The following TXNDC16 variants were observed in gnomAD, a reference collection of about 807,000 sequenced individuals.
TXNDC16 encodes the protein thioredoxin domain-containing protein 16.
In TXNDC16, 74 loss-of-function variants were observed where a neutral mutation model predicts 85.6. That is an observed-to-expected ratio of 0.86 (90% CI 0.72 to 1.05). TXNDC16 has a LOEUF of 1.05. Ranked by LOEUF, TXNDC16 falls within the 50% of genes least tolerant of loss-of-function variation. The probability of loss-of-function intolerance (pLI) is 0.00; values close to 1 mark genes in which losing one functional copy is unlikely to be tolerated. For synonymous variants in TXNDC16, 335 were observed against 326.5 expected (o/e 1.03, Z -0.28); for missense variants, 959 against 947.0 (o/e 1.01, Z -0.17).
chr14:52,530,494 TAATAATATAATATA>T (rs1372693666), intron 6 of TXNDC16, among the ~76,000 whole-genome samples: 3 of 33,340 alleles, frequency 9.0e-5, no homozygotes, highest in Admixed American at 5.8e-4. Flanking sequence ...ATATTATATA[TAATAATATAATATA>T]TATTATTATA....
At chr14:52,462,676 A>G in intron 16 of TXNDC16, 1 of 276,558 alleles carries the variant, frequency 3.6e-6, no homozygotes, top group South Asian at 3.3e-5. Flanking sequence ...CAATAAAAAT[A>G]CTGAAATCTT....
chr14:52,478,444 A>G (rs2036067406), intron 14 of TXNDC16, among the ~76,000 whole-genome samples: 2 of 152,194 alleles, frequency 1.3e-5, no homozygotes, highest in Admixed American at 1.3e-4. Context: ...ATTAACCAAG[A>G]AAAGAAAAGA....
At chr14:52,527,896 TTAC>T (rs10616370) in intron 6 of TXNDC16, among the ~76,000 whole-genome samples, 22,125 of 125,190 alleles carry the variant, frequency 0.18, 1,636 homozygotes, top group African/African-American at 0.18. Flanking sequence ...TTTATTTCAC[TTAC>T]TACATCCTGC....
intron 4 of TXNDC16, among the ~76,000 whole-genome samples, chr14:52,537,906 T>C (rs966969297): frequency 3.3e-5 from 5 of 152,068 alleles, no homozygotes; most frequent in African/African-American, 9.7e-5. Flanking sequence ...GGTAACCAGG[T>C]AGAAAAGGAA....
chr14:52,529,999 T>G (rs1257289774), intron 6 of TXNDC16, among the ~76,000 whole-genome samples: 1 of 105,304 alleles, frequency 9.5e-6, no homozygotes, highest in African/African-American at 3.9e-5. Context: ...AATTCATATA[T>G]ATAATATATA....
chr14:52,517,468 T>C (rs1258946824), intron 7 of TXNDC16, among the ~76,000 whole-genome samples: 1 of 152,150 alleles, frequency 6.6e-6, no homozygotes, highest in African/African-American at 2.4e-5. Context: ...AATTAGCTGA[T>C]GATTTTGTGT....
In TXNDC16 at chr14:52,546,297, G is replaced by A. The variant is rs532735694; in HGVS notation, c.-181-1926C>T. On this transcript the variant is annotated intron_variant, in intron 1 of 20. Coordinates refer to ENST00000281741, the MANE Select transcript of TXNDC16 (RefSeq NM_020784.3). Reference sequence around the variant, plus strand: ...CTAAAAACAAAACAAACAAACAAACGAACAAACAAAAACTTAATACTACAA... The same window carrying A: ...CTAAAAACAAAACAAACAAACAAACAAACAAACAAAAACTTAATACTACAA... 1.4e-4 allele frequency among the ~76,000 whole-genome samples: 22 copies of A among 151,912 alleles called. No homozygotes were observed. In the South Asian group the frequency reaches 2.7e-3, roughly 19 times the overall value.
intron 9 of TXNDC16, 96 bp downstream of exon 9, chr14:52,511,144 C>T: frequency 8.7e-7 from 1 of 1,155,370 alleles, no homozygotes. Flanking sequence ...ATCTATAAAT[C>T]AAAACTTAAC....
chr14:52,472,203 T>C (rs915679132), intron 14 of TXNDC16, among the ~76,000 whole-genome samples: 1 of 151,664 alleles, frequency 6.6e-6, no homozygotes, highest in Non-Finnish European at 1.5e-5. Flanking sequence ...TTTTTTTTGC[T>C]TTTGTATATT....
intron 20 of TXNDC16, among the ~76,000 whole-genome samples, chr14:52,435,484 T>A (rs1170974117): frequency 6.6e-6 from 1 of 152,186 alleles, no homozygotes; most frequent in Admixed American, 6.5e-5. Context: ...GAGAATGAAG[T>A]AGTCAAAGAT....
intron 18 of TXNDC16, among the ~76,000 whole-genome samples, chr14:52,450,546 CA>C (rs1348511684): frequency 6.6e-6 from 1 of 150,540 alleles, no homozygotes; most frequent in Non-Finnish European, 1.5e-5. Context: ...CAGGGAAATA[CA>C]AATCAAAACC....
chr14:52,518,845 T>C (rs1327046253), intron 7 of TXNDC16, among the ~76,000 whole-genome samples: 2 of 152,072 alleles, frequency 1.3e-5, no homozygotes, highest in Non-Finnish European at 2.9e-5. Flanking sequence ...ATTTTAATTA[T>C]TCATTAAAGT....
chr14:52,472,719 C>G (rs779449622), intron 14 of TXNDC16, among the ~76,000 whole-genome samples: 3 of 152,274 alleles, frequency 2.0e-5, no homozygotes, highest in South Asian at 2.1e-4. Context: ...TATCAAAGTT[C>G]TCTTATCCTT....
In TXNDC16 at chr14:52,497,862, C is replaced by T. The variant is rs369095080; in HGVS notation, c.757-6857G>A. Among the ~76,000 whole-genome samples, 20 of 130,626 alleles carry T rather than the reference C, an allele frequency of 1.5e-4. No individual in the cohort carries two copies. In the East Asian group the frequency reaches 2.1e-3, roughly 14 times the overall value. The allele number at this position is 130,626 out of a possible 152,430, so 85.7% of individuals were successfully genotyped here. Reference sequence around the variant, plus strand: ...CGCCACTGCACTCCAGCCTGGGCAACGGAGCAAGACTCTGTCTCAAAAAAA... The same window carrying T: ...CGCCACTGCACTCCAGCCTGGGCAATGGAGCAAGACTCTGTCTCAAAAAAA... On this transcript the variant is annotated intron_variant, in intron 9 of 20. Transcript: ENST00000281741.
chr14:52,551,991 A>AC (rs2038062807), intron 1 of TXNDC16, among the ~76,000 whole-genome samples: 1 of 152,122 alleles, frequency 6.6e-6, no homozygotes, highest in African/African-American at 2.4e-5. Context: ...ATCTGATACT[A>AC]CTACTACTCT....
intron 9 of TXNDC16, among the ~76,000 whole-genome samples, chr14:52,501,384 C>G (rs1181754637): frequency 6.6e-6 from 1 of 152,062 alleles, no homozygotes; most frequent in African/African-American, 2.4e-5. Context: ...TACAAAAAAG[C>G]CTGAATCCTA....
intron 9 of TXNDC16, among the ~76,000 whole-genome samples, chr14:52,510,038 A>G (rs2036920012): frequency 6.6e-6 from 1 of 152,088 alleles, no homozygotes; most frequent in African/African-American, 2.4e-5. Context: ...TTGTGGTGGC[A>G]AGCTCTGAAT....
chr14:52,475,032 C>T (rs572796716), intron 14 of TXNDC16, among the ~76,000 whole-genome samples: 1 of 152,296 alleles, frequency 6.6e-6, no homozygotes, highest in South Asian at 2.1e-4. Context: ...CACCCCTGAA[C>T]ACACACCCCA....
Position 52,543,512 on chromosome 14 carries a change from T to C in TXNDC16, c.46A>G (p.Ile16Val). Residue 16 changes from isoleucine (I) to valine (V), a missense_variant, in exon 3 of 21, where the codon ATA becomes GTA. Coordinates refer to ENST00000281741, the MANE Select transcript of TXNDC16 (RefSeq NM_020784.3). ...GTTGGCATGTAAAAAATGCACATTA[T>C]GACAAAAGAGATCCCAACTCTAAAG... Reference protein sequence around the residue: ...NVFRVGISFVIMCIFYMPTVN... With the variant: ...NVFRVGISFVVMCIFYMPTVN... The C allele has an allele frequency of 6.2e-7, 1 of 1,613,662 alleles. No individual in the cohort carries two copies.
Sources: allele counts gnomAD v4.1 joint callset (sites outside exome capture counted in the v4.1 genomes callset), GRCh38; gene constraint gnomAD v4.1.1; transcripts MANE v1.5; gene names NCBI Gene and HGNC (gene_info 2026-07-23, HGNC 2026-07-21).